The following ACYP2 variants were observed in gnomAD, a reference collection of about 807,000 sequenced individuals.
The protein encoded by ACYP2 is acylphosphatase 2.
Under a neutral mutation model 11.2 loss-of-function variants are expected in ACYP2, and 12 were observed. The ratio of observed to expected loss-of-function variants is 1.08; its 90% CI spans 0.69 to 1.74. ACYP2 has a LOEUF of 1.74. Among genes scored for constraint, ACYP2 ranks in the 40% most tolerant of loss-of-function variants. The pLI is 0.00. For missense variants in ACYP2, 134 were observed against 101.9 expected (o/e 1.31, Z -1.35); for synonymous variants, 43 against 32.2 (o/e 1.33, Z -1.13).
intron 4 of ACYP2, among the ~76,000 whole-genome samples, chr2:54,129,408 C>CAGGT (rs2103761964): frequency 6.6e-6 from 1 of 152,214 alleles, no homozygotes; most frequent in Non-Finnish European, 1.5e-5. Context: ...GCTGGGCTTA[C>CAGGT]AGGTGTAAGT....
intron 6 of ACYP2, among the ~76,000 whole-genome samples, chr2:54,189,875 CTCTTTT>C (rs1684170075): frequency 6.6e-6 from 1 of 152,168 alleles, no homozygotes; most frequent in Non-Finnish European, 1.5e-5. Flanking sequence ...TACTTGTTAT[CTCTTTT>C]TAATTATGGC....
chr2:54,043,635 T>C (rs1675360053), intron 2 of ACYP2, among the ~76,000 whole-genome samples: 1 of 152,248 alleles, frequency 6.6e-6, no homozygotes, highest in Non-Finnish European at 1.5e-5. Flanking sequence ...ATATGATATA[T>C]GAATTTCATT....
intron 6 of ACYP2, among the ~76,000 whole-genome samples, chr2:54,219,067 A>G (rs1169175979): frequency 6.6e-6 from 1 of 152,192 alleles, no homozygotes; most frequent in Non-Finnish European, 1.5e-5. Flanking sequence ...TAGGATCTAC[A>G]AGGGCATGAT....
intron 6 of ACYP2, among the ~76,000 whole-genome samples, chr2:54,206,714 C>G (rs1572935201): frequency 6.6e-6 from 1 of 152,150 alleles, no homozygotes; most frequent in African/African-American, 2.4e-5. Context: ...CCTACTGGCT[C>G]CAAAATGTAA....
At chr2:54,271,555 A>T (rs535980439) in intron 6 of ACYP2, among the ~76,000 whole-genome samples, 1 of 152,240 alleles carries the variant, frequency 6.6e-6, no homozygotes, top group Non-Finnish European at 1.5e-5. Context: ...CAAATCAATC[A>T]TCGGCACCCA....
rs1408677733 is a variant in ACYP2, at chr2:54,294,755, T to G, written c.405-9933T>G. Among the ~76,000 whole-genome samples, 3 of 145,616 alleles carry G rather than the reference T, an allele frequency of 2.1e-5. No homozygotes were observed. In the East Asian group the frequency reaches 6.0e-4, roughly 29 times the overall value. ...GTGAGACCCCATCTCTACAAAAAAT[T>G]AAAAAAAAAAATTAGCCAGGTGTGG... On this transcript the variant is annotated intron_variant, in intron 6 of 6. Transcript: ENST00000607452.
intron 6 of ACYP2, among the ~76,000 whole-genome samples, chr2:54,223,284 CTAATA>C (rs1296559181): frequency 2.6e-5 from 4 of 152,138 alleles, no homozygotes; most frequent in Admixed American, 6.5e-5. Context: ...CCGAAAGCAT[CTAATA>C]TAAGAGCTAC....
At chr2:54,026,506 C>G (rs184756952) in intron 2 of ACYP2, among the ~76,000 whole-genome samples, 2 of 152,124 alleles carry the variant, frequency 1.3e-5, no homozygotes, top group East Asian at 3.9e-4. Flanking sequence ...ATGGAGATTC[C>G]TTAAAGAACT....
intron 6 of ACYP2, 53 bp from the exon 4 acceptor site, chr2:54,304,635 G>T (rs1248514248): frequency 1.5e-6 from 2 of 1,325,978 alleles, no homozygotes; most frequent in Non-Finnish European, 2.1e-6. Flanking sequence ...CATTTTAGCT[G>T]ATCCATGTAT....
At chr2:54,007,138 CAAAAAAAAAAAAAAA>C (rs70944145) in intron 2 of ACYP2, among the ~76,000 whole-genome samples, 2 of 52,206 alleles carry the variant, frequency 3.8e-5, no homozygotes, top group African/African-American at 1.5e-4. Flanking sequence ...GACTCTGTGT[CAAAAAAAAAAAAAAA>C]AAAAAAAAAA....
chr2:54,027,022 C>T (rs1484639585), intron 2 of ACYP2, among the ~76,000 whole-genome samples: 1 of 152,122 alleles, frequency 6.6e-6, no homozygotes, highest in East Asian at 1.9e-4. Context: ...TACCATGTAA[C>T]CAAACATTAT....
chr2:54,201,348 A>G (rs189046358), intron 6 of ACYP2, among the ~76,000 whole-genome samples: 39,406 of 151,592 alleles, frequency 0.26, 5,323 homozygotes, highest in South Asian at 0.43. Flanking sequence ...CTCGTGATCC[A>G]CCTACCTTGG....
intron 2 of ACYP2, among the ~76,000 whole-genome samples, chr2:54,033,084 C>T (rs1421203749): frequency 6.6e-6 from 1 of 151,926 alleles, no homozygotes; most frequent in Non-Finnish European, 1.5e-5. Context: ...TCAGGGTGAA[C>T]AAAGAAAGGT....
chr2:54,040,338 T>C (rs1006265724), intron 2 of ACYP2, among the ~76,000 whole-genome samples: 5 of 152,250 alleles, frequency 3.3e-5, no homozygotes, highest in Admixed American at 2.6e-4. Flanking sequence ...TTAGGACTTG[T>C]TAAACTTGAG....
At chr2:54,246,998 C>T (rs1686984589) in intron 6 of ACYP2, among the ~76,000 whole-genome samples, 2 of 152,264 alleles carry the variant, frequency 1.3e-5, no homozygotes, top group East Asian at 3.9e-4. Flanking sequence ...ACCTTCCTCC[C>T]ATCATGAGTA....
At chr2:54,206,832 A>G (rs1685090036) in intron 6 of ACYP2, among the ~76,000 whole-genome samples, 1 of 152,238 alleles carries the variant, frequency 6.6e-6, no homozygotes, top group Non-Finnish European at 1.5e-5. Context: ...CGTGGGTTCC[A>G]TCCATATTGT....
At position 53,985,244 on chromosome 2, in the gene ACYP2, T is replaced by C. The variant is rs1024783650; in HGVS notation, c.62+11434T>C. The stretch of plus-strand genomic sequence containing the variant: ...GCCGCCACGCCCAGTTAACTTTTTG[T>C]ATTTTTAATAGAGACAGGGTTTCAC... On this transcript the variant is annotated intron_variant, in intron 2 of 6. Transcript: ENST00000607452. Among the ~76,000 whole-genome samples, 19 of 152,052 alleles carry C rather than the reference T, an allele frequency of 1.2e-4. No individual in the cohort carries two copies. In the East Asian group the frequency reaches 3.5e-3, roughly 28 times the overall value.
intron 4 of ACYP2, among the ~76,000 whole-genome samples, chr2:54,127,563 C>G (rs902810804): frequency 3.9e-5 from 6 of 151,996 alleles, no homozygotes; most frequent in African/African-American, 1.4e-4. Context: ...AACCCCATCT[C>G]TACTAAAAAC....
intron 6 of ACYP2, among the ~76,000 whole-genome samples, chr2:54,154,218 T>G (rs779369565): frequency 6.6e-6 from 1 of 152,212 alleles, no homozygotes; most frequent in Non-Finnish European, 1.5e-5. Context: ...TTTATGGTTT[T>G]TGTCATCAGC....
Sources: gnomAD v4.1 joint callset for allele counts (sites outside exome capture counted in the v4.1 genomes callset) on GRCh38, gnomAD v4.1.1 for gene constraint, MANE v1.5 for transcripts, NCBI Gene and HGNC (gene_info 2026-07-23, HGNC 2026-07-21) for gene names.